The following PCDH15 variants were observed in gnomAD, a reference collection of about 807,000 sequenced individuals.
The protein encoded by PCDH15 is protocadherin related 15, also known as protocadherin-15.
PCDH15 carries 129 observed loss-of-function variants against 178.5 expected under a neutral mutation model. The ratio of observed to expected loss-of-function variants is 0.72; its 90% CI spans 0.63 to 0.84. The LOEUF (loss-of-function observed/expected upper bound fraction) is 0.84, where lower values mean the gene tolerates loss of function less well. Ranked by LOEUF, PCDH15 falls within the 40% of genes least tolerant of loss-of-function variation. The pLI, the probability that PCDH15 is intolerant of heterozygous loss-of-function variation, is 0.00. For missense variants in PCDH15, 2,230 were observed against 2,099.9 expected, an observed-to-expected ratio of 1.06 and a Z score of -1.21; for synonymous variants, 800 against 732.0, an observed-to-expected ratio of 1.09 and a Z score of -1.50.
At position 55,077,113 on chromosome 10, in the gene PCDH15, T is replaced by G. The variant is rs1310159758; in HGVS notation, c.-80+89463A>C. 5.9e-5 allele frequency among the ~76,000 whole-genome samples: 9 copies of G among 151,574 alleles called. No individual in the cohort carries two copies. In the East Asian group the frequency reaches 1.7e-3, roughly 29 times the overall value. The stretch of plus-strand genomic sequence containing the variant: ...TATAGCTACTACTCCTTTTTTTTTT[T>G]GGTTTTTATTTGAGTGGAATATCTT... On this transcript the variant is annotated intron_variant, in intron 2 of 5. Coordinates refer to the PCDH15 transcript ENST00000458638.
At chr10:54,635,545 C>T (rs1203016279) in intron 2 of PCDH15, among the ~76,000 whole-genome samples, 1 of 151,802 alleles carries the variant, frequency 6.6e-6, no homozygotes, top group Non-Finnish European at 1.5e-5. Context: ...TTGTTAATCA[C>T]ATATAATACA....
At chr10:54,212,913 C>G (rs2051599971) in intron 10 of PCDH15, among the ~76,000 whole-genome samples, 1 of 152,136 alleles carries the variant, frequency 6.6e-6, no homozygotes, top group African/African-American at 2.4e-5. Context: ...CTTATCCGAA[C>G]TTTAGTTTCC....
intron 18 of PCDH15, among the ~76,000 whole-genome samples, chr10:54,045,325 T>C (rs1320218019): frequency 3.3e-5 from 5 of 152,100 alleles, no homozygotes; most frequent in Non-Finnish European, 7.4e-5. Flanking sequence ...TTCACTGAGA[T>C]GACATAGTAA....
In PCDH15 at chr10:53,802,869, TTTG is replaced by T. The variant is rs765070359; in HGVS notation, c.*3707_*3709del. On this transcript the variant is annotated 3_prime_UTR_variant, in exon 38 of 38. Coordinates refer to ENST00000644397, the MANE Select transcript of PCDH15 (RefSeq NM_001384140.1). ...CAGATTCTTATACAGTAACATAATATTTGTTAAGGAAGAACAGGTATTTGGATA... is the reference window on the plus strand; with the variant it reads ...CAGATTCTTATACAGTAACATAATATTTAAGGAAGAACAGGTATTTGGATA... The T allele has an allele frequency of 3.3e-5, 5 of 151,942 alleles. No individual in the cohort carries two copies. Among genetic ancestry groups the T allele is most frequent in the Non-Finnish European group, 5.9e-5 (4 of 67,868 alleles). The allele number at this position is 151,942 out of a possible 1,614,324, so 9.4% of individuals were successfully genotyped here.
intron 26 of PCDH15, among the ~76,000 whole-genome samples, chr10:53,874,989 A>G (rs1483339297): frequency 1.3e-5 from 2 of 152,094 alleles, no homozygotes; most frequent in East Asian, 3.9e-4. Context: ...ATGAAATGAT[A>G]GGGCAAAGGA....
intron 14 of PCDH15, among the ~76,000 whole-genome samples, chr10:54,146,924 A>G (rs28494720): frequency 0.012 from 858 of 72,936 alleles, 1 homozygote; most frequent in East Asian, 0.06. Context: ...TATATAGTGT[A>G]TATATATATA....
At chr10:54,044,045 C>T (rs376892978) in intron 18 of PCDH15, among the ~76,000 whole-genome samples, 1 of 152,030 alleles carries the variant, frequency 6.6e-6, no homozygotes. Flanking sequence ...AAGGATTATT[C>T]CCAAAAAGAA....
chr10:55,531,391 C>A (rs1841451625), intron 2 of PCDH15, among the ~76,000 whole-genome samples: 1 of 151,940 alleles, frequency 6.6e-6, no homozygotes, highest in Non-Finnish European at 1.5e-5. Context: ...AATAGGTAAT[C>A]TTTTACATAA....
At chr10:54,533,800 G>A (rs780653253) in intron 2 of PCDH15, among the ~76,000 whole-genome samples, 4 of 152,078 alleles carry the variant, frequency 2.6e-5, no homozygotes, top group African/African-American at 4.8e-5. Context: ...TTAACAAAAT[G>A]AATAATCCAT....
intron 2 of PCDH15, among the ~76,000 whole-genome samples, chr10:55,549,899 G>A (rs534489281): frequency 6.0e-5 from 9 of 149,684 alleles, no homozygotes; most frequent in African/African-American, 9.8e-5. Context: ...GAAATCCTAC[G>A]CCTCACGCAT....
At chr10:54,413,156 C>T (rs1047204890) in intron 3 of PCDH15, among the ~76,000 whole-genome samples, 2 of 140,418 alleles carry the variant, frequency 1.4e-5, no homozygotes, top group African/African-American at 2.6e-5. Flanking sequence ...AATGAATGGT[C>T]TGTATACAAT....
At chr10:54,979,815 C>CATACAATATGTGTAACATACAATAT (rs56971852) in intron 2 of PCDH15, among the ~76,000 whole-genome samples, 2 of 151,484 alleles carry the variant, frequency 1.3e-5, no homozygotes, top group Non-Finnish European at 2.9e-5. Context: ...CCATATTCTA[C>CATACAATATGTGTAACATACAATAT]GTGTAACATA....
chr10:54,341,561 A>G (rs1942240816), intron 6 of PCDH15, among the ~76,000 whole-genome samples: 1 of 152,184 alleles, frequency 6.6e-6, no homozygotes, highest in Admixed American at 6.5e-5. Flanking sequence ...GGAAATTGGT[A>G]CTGGGATAGT....
chr10:54,920,169 A>G (rs1438055839), intron 2 of PCDH15, among the ~76,000 whole-genome samples: 1 of 152,148 alleles, frequency 6.6e-6, no homozygotes, highest in African/African-American at 2.4e-5. Flanking sequence ...AGACGCGACA[A>G]TGAAAAACAA....
intron 6 of PCDH15, among the ~76,000 whole-genome samples, chr10:54,331,297 C>T (rs554964478): frequency 3.3e-5 from 5 of 151,720 alleles, no homozygotes; most frequent in Non-Finnish European, 5.9e-5. Flanking sequence ...CTCTTTCTCT[C>T]GGGGATGCAT....
At chr10:54,341,892 G>A (rs940822234) in intron 6 of PCDH15, among the ~76,000 whole-genome samples, 1 of 152,212 alleles carries the variant, frequency 6.6e-6, no homozygotes, top group African/African-American at 2.4e-5. Flanking sequence ...ACTTGAGAAA[G>A]ATGATTTAGG....
chr10:55,213,939 A>T (rs1840634107), intron 1 of PCDH15, among the ~76,000 whole-genome samples: 1 of 151,882 alleles, frequency 6.6e-6, no homozygotes, highest in African/African-American at 2.4e-5. Context: ...GACTTTAGCT[A>T]TATTGCATGC....
chr10:54,852,855 A>AAAAATAAAATAAAAT (rs368212815), intron 3 of PCDH15, among the ~76,000 whole-genome samples: 1,723 of 147,316 alleles, frequency 0.012, 21 homozygotes, highest in East Asian at 0.032. Context: ...TCTGTCTCAA[A>AAAAATAAAATAAAAT]AAAATAAAAT....
intron 2 of PCDH15, among the ~76,000 whole-genome samples, chr10:54,635,293 C>T (rs1465045164): frequency 1.3e-5 from 2 of 151,454 alleles, no homozygotes; most frequent in Non-Finnish European, 3.0e-5. Context: ...GCTTATTTAG[C>T]TGAGATTTGC....
Sources: gnomAD v4.1 joint callset for allele counts (sites outside exome capture counted in the v4.1 genomes callset) on GRCh38, gnomAD v4.1.1 for gene constraint, MANE v1.5 for transcripts, NCBI Gene and HGNC (gene_info 2026-07-23, HGNC 2026-07-21) for gene names.